The following DGKG variants were observed in gnomAD, a reference collection of about 807,000 sequenced individuals.
The protein encoded by DGKG is DAG kinase gamma.
A neutral mutation model predicts 105.3 loss-of-function variants in DGKG; 78 were observed. That is an observed-to-expected ratio of 0.74 (90% CI 0.62 to 0.89). DGKG has a LOEUF of 0.89. DGKG is among the 40% of genes least tolerant of loss of function. DGKG has a pLI of 0.00. For missense variants in DGKG, 958 were observed against 1,020.1 expected (o/e 0.94, Z 0.83); for synonymous variants, 346 against 367.1 (o/e 0.94, Z 0.66).
intron 14 of DGKG, among the ~76,000 whole-genome samples, chr3:186,263,158 AC>A (rs1560121798): frequency 5.4e-5 from 8 of 148,140 alleles, no homozygotes; most frequent in African/African-American, 7.6e-5. Context: ...AAACAAACAA[AC>A]AAAAAACACC....
At chr3:186,205,073 A>G (rs368791731) in intron 21 of DGKG, among the ~76,000 whole-genome samples, 30 of 152,124 alleles carry the variant, frequency 2.0e-4, no homozygotes, top group African/African-American at 7.0e-4. Context: ...CCTGGCCAAC[A>G]TGGCGAAACC....
rs577111037 is a variant in DGKG, at chr3:186,160,430, C to A, written c.2277+1173G>T. The A allele has an allele frequency of 5.7e-5, 56 of 985,284 alleles. No individual in the cohort carries two copies. In the African/African-American group the frequency reaches 9.4e-4, roughly 17 times the overall value. 61.0% of individuals were successfully genotyped at this position (985,284 alleles called of 1,614,324 possible). A position where few individuals can be genotyped will look rare whatever the true frequency, so the allele number is the denominator to read the frequency against. On this transcript the variant is annotated intron_variant, in intron 24 of 24. Transcript: ENST00000265022. ...ATAAATAGTAGAAATTCCCTCTATG[C>A]GTCCTAACTCCAGCAAGGTGGAAAG...
intron 9 of DGKG, among the ~76,000 whole-genome samples, chr3:186,278,882 A>T (rs1722706118): frequency 6.6e-6 from 1 of 152,162 alleles, no homozygotes; most frequent in African/African-American, 2.4e-5. Context: ...AACTGGTGTG[A>T]CTAGTAAACG....
chr3:186,352,084 C>T (rs1726658464), intron 1 of DGKG, among the ~76,000 whole-genome samples: 1 of 152,158 alleles, frequency 6.6e-6, no homozygotes, highest in Non-Finnish European at 1.5e-5. Flanking sequence ...AGGCCCCTCC[C>T]CACTCCCCCC....
At chr3:186,189,885 T>A (rs997395976) in intron 21 of DGKG, among the ~76,000 whole-genome samples, 5 of 152,174 alleles carry the variant, frequency 3.3e-5, no homozygotes, top group African/African-American at 1.2e-4. Flanking sequence ...CTGTTCTCCC[T>A]TCTGAACCCA....
At chr3:186,260,375 G>C in intron 16 of DGKG, 64 bp downstream of exon 16, 2 of 1,147,090 alleles carry the variant, frequency 1.7e-6, no homozygotes, top group Non-Finnish European at 1.3e-6. Context: ...GACAAAAGAG[G>C]CATCTTCATT....
chr3:186,153,814 T>C (rs888882197), intron 24 of DGKG, among the ~76,000 whole-genome samples: 2 of 152,140 alleles, frequency 1.3e-5, no homozygotes, highest in Non-Finnish European at 2.9e-5. Context: ...ATTTGAAAGG[T>C]GTCTGAGGGG....
chr3:186,239,588 G>T (rs1181323938), intron 20 of DGKG, among the ~76,000 whole-genome samples: 1 of 152,228 alleles, frequency 6.6e-6, no homozygotes, highest in East Asian at 1.9e-4. Flanking sequence ...TTAGACATGG[G>T]CGAATAGGCA....
intron 18 of DGKG, among the ~76,000 whole-genome samples, chr3:186,252,481 G>C (rs1056038350): frequency 4.6e-5 from 7 of 152,198 alleles, no homozygotes; most frequent in African/African-American, 1.7e-4. Flanking sequence ...TCCATTTTCT[G>C]GCGCATGTCC....
At chr3:186,272,588 A>G (rs1462807637) in intron 10 of DGKG, among the ~76,000 whole-genome samples, 1 of 152,218 alleles carries the variant, frequency 6.6e-6, no homozygotes, top group African/African-American at 2.4e-5. Flanking sequence ...TCTGCAGGCA[A>G]TGAACACAGC....
At chr3:186,314,808 T>C (rs1488387732) in intron 2 of DGKG, among the ~76,000 whole-genome samples, 1 of 151,400 alleles carries the variant, frequency 6.6e-6, no homozygotes, top group Non-Finnish European at 1.5e-5. Flanking sequence ...CTGGCTGATG[T>C]AGGAAATGTT....
In DGKG at chr3:186,335,971, A is replaced by G. The variant is rs557309508; in HGVS notation, c.-248-15264T>C. On this transcript the variant is annotated intron_variant, in intron 1 of 24. Transcript: ENST00000265022. Reference sequence around the variant, plus strand: ...TTGTAGTAGGTGCTGAACTGTGCCAATCAGATCTCCCAGATACTTGGGAGT... The same window carrying G: ...TTGTAGTAGGTGCTGAACTGTGCCAGTCAGATCTCCCAGATACTTGGGAGT... Among the ~76,000 whole-genome samples, 5 of 152,344 alleles carry G rather than the reference A, an allele frequency of 3.3e-5. No individual in the cohort carries two copies. The East Asian group carries it at 5.8e-4, about 18-fold the overall frequency.
At chr3:186,343,322 ACT>A in intron 1 of DGKG, among the ~76,000 whole-genome samples, 2 of 152,244 alleles carry the variant, frequency 1.3e-5, no homozygotes, top group Admixed American at 1.3e-4. Context: ...ACAAAGTCTC[ACT>A]CTGTCATCCA....
intron 1 of DGKG, among the ~76,000 whole-genome samples, chr3:186,360,315 A>G (rs1384811282): frequency 1.3e-5 from 2 of 152,176 alleles, no homozygotes; most frequent in Non-Finnish European, 2.9e-5. Context: ...GGAAAGACTC[A>G]TCTACTAGCT....
At chr3:186,298,429 G>T (rs1297847942) in intron 3 of DGKG, among the ~76,000 whole-genome samples, 200 bp from the exon 4 acceptor site, 1 of 152,206 alleles carries the variant, frequency 6.6e-6, no homozygotes, top group African/African-American at 2.4e-5. Flanking sequence ...GGGGATGGGT[G>T]TAAGAGAGAG....
At position 186,339,403 on chromosome 3, in the gene DGKG, G is replaced by A. The variant is rs1379818391; in HGVS notation, c.-248-18696C>T. Among the ~76,000 whole-genome samples, 5 of 152,172 alleles carry A rather than the reference G, an allele frequency of 3.3e-5. No individual in the cohort carries two copies. The East Asian group carries it at 7.7e-4, about 23-fold the overall frequency. On this transcript the variant is annotated intron_variant, in intron 1 of 24. Transcript: ENST00000265022. ...TTGACTGAGAAGAAAGAGCAGAAAA[G>A]ACTCCTGTTTACTAACTGTGTCTTA...
chr3:186,237,101 T>C (rs1218562378), intron 20 of DGKG, among the ~76,000 whole-genome samples: 1 of 152,266 alleles, frequency 6.6e-6, no homozygotes, highest in African/African-American at 2.4e-5. Context: ...CTGCTAGTAC[T>C]GATTGCTGCC....
intron 7 of DGKG, among the ~76,000 whole-genome samples, chr3:186,283,337 C>A (rs765696434): frequency 6.6e-6 from 1 of 152,154 alleles, no homozygotes; most frequent in East Asian, 1.9e-4. Context: ...ACTCATTCTG[C>A]TCCATTCACA....
rs951900652 is a variant in DGKG at position 186,203,278 on chromosome 3, G to T, written c.1917+8517C>A. On this transcript the variant is annotated intron_variant, in intron 21 of 24. Coordinates refer to ENST00000265022, the MANE Select transcript of DGKG (RefSeq NM_001346.3). This position sits in a 1 kb window ranked among gnomAD's most constrained non-coding sequence, Gnocchi z 4.9. The stretch of plus-strand genomic sequence containing the variant: ...ATGAATAAAGATTTAATAAGCCAAA[G>T]AATCACAGAGGTCCTCAGGAGGCCT... 2.0e-5 allele frequency among the ~76,000 whole-genome samples: 3 copies of T among 152,176 alleles called. No individual in the cohort carries two copies. Among genetic ancestry groups the T allele is most frequent in the African/African-American group, 7.2e-5 (3 of 41,440 alleles).
Sources: allele counts gnomAD v4.1 joint callset (sites outside exome capture counted in the v4.1 genomes callset), GRCh38; gene constraint gnomAD v4.1.1; non-coding constraint Gnocchi (gnomAD v3.1); transcripts MANE v1.5; gene names NCBI Gene and HGNC (gene_info 2026-07-23, HGNC 2026-07-21).